Variants in SLC36A1 observed in about 807,000 individuals in gnomAD.
The protein encoded by SLC36A1 is solute carrier family 36 member 1, also known as proton-coupled amino acid transporter 1.
In SLC36A1, 30 loss-of-function variants were observed where a neutral mutation model predicts 47.5. That is an observed-to-expected ratio of 0.63 (90% CI 0.47 to 0.86). SLC36A1 has a LOEUF of 0.86. Among genes scored for constraint, SLC36A1 ranks in the 40% least tolerant of loss-of-function variants. The pLI is 0.00. For missense variants in SLC36A1, 517 were observed against 606.0 expected, an observed-to-expected ratio of 0.85 and a Z score of 1.54; for synonymous variants, 255 against 249.7, an observed-to-expected ratio of 1.02 and a Z score of -0.20.
chr5:151,457,364 A>G (rs73270291), intron 1 of SLC36A1, among the ~76,000 whole-genome samples: 2,821 of 152,076 alleles, frequency 0.019, 111 homozygotes, highest in East Asian at 0.17. Context: ...AGGGGCCTAC[A>G]TCGCTCCCAA....
upstream of SLC36A1, among the ~76,000 whole-genome samples, chr5:151,435,873 CAAA>C (rs1759745180): frequency 6.6e-6 from 1 of 151,292 alleles, no homozygotes; most frequent in Non-Finnish European, 1.5e-5. Context: ...TTGAAAATAT[CAAA>C]ATAATATTTA....
At chr5:151,406,077 C>T in the SLC36A1 span, among the ~76,000 whole-genome samples, 1 of 152,182 alleles carries the variant, frequency 6.6e-6, no homozygotes. Flanking sequence ...TTCAACAAGT[C>T]TCTTCCTGGG....
At chr5:151,420,622 C>A in the SLC36A1 span, among the ~76,000 whole-genome samples, 3 of 152,102 alleles carry the variant, frequency 2.0e-5, no homozygotes, top group African/African-American at 7.2e-5. Context: ...ATTTTCCCAA[C>A]TTCATTTAAA....
the SLC36A1 span, among the ~76,000 whole-genome samples, chr5:151,513,870 T>G: frequency 6.6e-6 from 1 of 152,256 alleles, no homozygotes; most frequent in Non-Finnish European, 1.5e-5. Flanking sequence ...ACTGAATATG[T>G]TGATAGTTAT....
the SLC36A1 span, chr5:151,507,461 G>A: frequency 1.2e-6 from 2 of 1,614,178 alleles, no homozygotes; most frequent in Non-Finnish European, 1.7e-6. Context: ...TGCAACGGCG[G>A]CAGTAGAAGA....
At chr5:151,347,321 C>G in the SLC36A1 span, 13 of 1,614,106 alleles carry the variant, frequency 8.1e-6, no homozygotes, top group East Asian at 2.0e-4. Flanking sequence ...CTTCTTCAAG[C>G]CTGCTGACTC....
At chr5:151,526,293 A>T in the SLC36A1 span, among the ~76,000 whole-genome samples, 1 of 152,226 alleles carries the variant, frequency 6.6e-6, no homozygotes, top group African/African-American at 2.4e-5. Context: ...TGAATCATGT[A>T]TTTAAATTAG....
chr5:151,521,810 G>A, the SLC36A1 span: 21 of 1,614,054 alleles, frequency 1.3e-5, no homozygotes, highest in South Asian at 4.4e-5. Context: ...TAGTGGCCAC[G>A]AGGCAGGCCC....
the SLC36A1 span, among the ~76,000 whole-genome samples, chr5:151,400,689 TG>T: frequency 0.01 from 1,593 of 152,266 alleles, 65 homozygotes; most frequent in East Asian, 0.14. Context: ...TGTTTTGTTT[TG>T]TTTTTTTACT....
intron 1 of SLC36A1, among the ~76,000 whole-genome samples, chr5:151,457,644 CA>C (rs1483745008): frequency 3.3e-5 from 5 of 152,096 alleles, no homozygotes; most frequent in Admixed American, 1.3e-4. Flanking sequence ...TTTCAGCTAC[CA>C]TTTCTCAGTA....
the SLC36A1 span, chr5:151,507,623 G>GAGT: frequency 1.3e-6 from 2 of 1,589,870 alleles, no homozygotes; most frequent in Admixed American, 3.4e-5. Flanking sequence ...TGCGGAGACA[G>GAGT]AGTAGTCAGG....
At chr5:151,377,371 C>T in the SLC36A1 span, among the ~76,000 whole-genome samples, 64 of 108,096 alleles carry the variant, frequency 5.9e-4, no homozygotes, top group African/African-American at 9.4e-4. Flanking sequence ...TTTTTTGAGA[C>T]GGAGTTTCGC....
At chr5:151,512,423 G>C in the SLC36A1 span, 11 of 1,614,254 alleles carry the variant, frequency 6.8e-6, no homozygotes, top group Non-Finnish European at 9.3e-6. This position sits in a 1 kb window ranked among gnomAD's most constrained non-coding sequence, Gnocchi z 4.1. Flanking sequence ...CTCAGACCAC[G>C]GCAGTTCTCT....
chr5:151,403,240 T>C, the SLC36A1 span, among the ~76,000 whole-genome samples: 3 of 152,288 alleles, frequency 2.0e-5, no homozygotes, highest in South Asian at 6.2e-4. Context: ...AATCTTTTGA[T>C]TTCTGCTTTA....
At chr5:151,462,947 C>T (rs1330741814) in intron 2 of SLC36A1, among the ~76,000 whole-genome samples, 1 of 151,428 alleles carries the variant, frequency 6.6e-6, no homozygotes, top group East Asian at 1.9e-4. Context: ...ACGATCTTAA[C>T]TCACTGCAAC....
the SLC36A1 span, chr5:151,537,646 G>A: frequency 1.4e-6 from 1 of 719,092 alleles, no homozygotes; most frequent in East Asian, 2.7e-5. Context: ...TATGTCCCCA[G>A]TACAATGCTT....
At chr5:151,468,266 A>AAAAAAAAAAAAAAT (rs55642458) in intron 7 of SLC36A1, among the ~76,000 whole-genome samples, 3 of 63,818 alleles carry the variant, frequency 4.7e-5, no homozygotes, top group African/African-American at 1.8e-4. Context: ...AAAAAAAAAA[A>AAAAAAAAAAAAAAT]ATATATATAT....
the SLC36A1 span, among the ~76,000 whole-genome samples, chr5:151,389,942 A>G: frequency 6.6e-6 from 1 of 152,090 alleles, no homozygotes; most frequent in Admixed American, 6.6e-5. Context: ...GGATGGCTGG[A>G]TCAAATGGTA....
At chr5:151,403,520 C>T in the SLC36A1 span, among the ~76,000 whole-genome samples, 1 of 152,202 alleles carries the variant, frequency 6.6e-6, no homozygotes, top group Non-Finnish European at 1.5e-5. Flanking sequence ...GACCTGCCTG[C>T]TCCAGCTTTG....
Sources: gnomAD v4.1 joint callset for allele counts (sites outside exome capture counted in the v4.1 genomes callset) on GRCh38, gnomAD v4.1.1 for gene constraint, Gnocchi (gnomAD v3.1) non-coding constraint, MANE v1.5 for transcripts, NCBI Gene and HGNC (gene_info 2026-07-23, HGNC 2026-07-21) for gene names.